The following PPIL6 variants were observed in gnomAD, a reference collection of about 807,000 sequenced individuals.
PPIL6 encodes the protein peptidylprolyl isomerase like 6, also known as probable inactive peptidyl-prolyl cis-trans isomerase-like 6.
A neutral mutation model predicts 36.8 loss-of-function variants in PPIL6; 39 were observed. That is an observed-to-expected ratio of 1.06 (90% CI 0.82 to 1.38). The LOEUF (loss-of-function observed/expected upper bound fraction) is 1.38, where lower values mean the gene tolerates loss of function less well. PPIL6 is among the 40% of genes most tolerant of loss of function. PPIL6 has a pLI of 0.00. For synonymous variants in PPIL6, 123 were observed against 134.1 expected, an observed-to-expected ratio of 0.92 and a Z score of 0.57; for missense variants, 368 against 379.1, an observed-to-expected ratio of 0.97 and a Z score of 0.24.
At chr6:109,434,076 G>T (rs2115286971) in intron 2 of PPIL6, among the ~76,000 whole-genome samples, 1 of 152,140 alleles carries the variant, frequency 6.6e-6, no homozygotes, top group African/African-American at 2.4e-5. Context: ...GCATGACACT[G>T]GTAGGTCACA....
intron 3 of PPIL6, among the ~76,000 whole-genome samples, chr6:109,429,638 G>GA (rs1271374213): frequency 2.0e-5 from 3 of 152,246 alleles, no homozygotes; most frequent in East Asian, 1.9e-4. Flanking sequence ...AGGGAGTGAT[G>GA]AAAAGACACT....
At chr6:109,412,426 ATAGCTAAAGC>A (rs1773053762) in intron 6 of PPIL6, among the ~76,000 whole-genome samples, 1 of 152,266 alleles carries the variant, frequency 6.6e-6, no homozygotes, top group Admixed American at 6.5e-5. Context: ...AAGACCCCGA[ATAGCTAAAGC>A]TATCTTAAGC....
rs748929282 is a variant in PPIL6, at chr6:109,436,142, C to A, written c.193G>T (p.Glu65Ter). The A allele has an allele frequency of 4.4e-6, 7 of 1,590,354 alleles. No individual in the cohort carries two copies. ...FEDPILVPLQ[E>*]FAWHQYLQEK... is the part of the protein sequence containing the mutation. Reference sequence around the variant, plus strand: ...TGTAGATATTGATGCCATGCAAATTCTTGAAGAGGAACTAATATAGGATCT... The same window carrying A: ...TGTAGATATTGATGCCATGCAAATTATTGAAGAGGAACTAATATAGGATCT... The change falls in exon 2 of 8, where the codon GAA (glutamate) becomes TAA (stop). Residue 65 changes from glutamate (E) to a stop codon, truncating the protein, a stop_gained. Transcript: ENST00000521072. LOFTEE classifies it high-confidence loss of function.
chr6:109,437,711 C>T (rs1337637605), intron 1 of PPIL6, among the ~76,000 whole-genome samples: 2 of 152,048 alleles, frequency 1.3e-5, no homozygotes, highest in Non-Finnish European at 2.9e-5. Context: ...CCCGCCACCA[C>T]GCCCAGCTAA....
chr6:109,419,092 C>A, intron 6 of PPIL6, 95 bp downstream of exon 6: 1 of 811,314 alleles, frequency 1.2e-6, no homozygotes, highest in Non-Finnish European at 2.1e-6. Flanking sequence ...AGTATTGCCC[C>A]CAGTGATATC....
intron 1 of PPIL6, among the ~76,000 whole-genome samples, chr6:109,437,303 T>C (rs910755135): frequency 6.6e-6 from 1 of 152,226 alleles, no homozygotes; most frequent in Non-Finnish European, 1.5e-5. Context: ...CTAGGGACAG[T>C]GCTTGGAGGT....
intron 3 of PPIL6, among the ~76,000 whole-genome samples, chr6:109,429,509 C>T (rs1285352021): frequency 1.3e-5 from 2 of 152,160 alleles, no homozygotes; most frequent in African/African-American, 2.4e-5. Flanking sequence ...CAGGGTCCCA[C>T]CACCTTCACT....
chr6:109,406,614 C>T (rs960753236), intron 6 of PPIL6, among the ~76,000 whole-genome samples: 1 of 152,136 alleles, frequency 6.6e-6, no homozygotes, highest in African/African-American at 2.4e-5. Flanking sequence ...TTTCATTTAT[C>T]AGTGGCAATA....
At chr6:109,431,378 C>A (rs199955890) in intron 2 of PPIL6, 33 bp from the exon 3 acceptor site, 121 of 1,023,110 alleles carry the variant, frequency 1.2e-4, no homozygotes, top group African/African-American at 4.5e-4. Flanking sequence ...AAAAAAAAAA[C>A]GTAAGAAGTG....
intron 7 of PPIL6, among the ~76,000 whole-genome samples, chr6:109,395,738 G>A (rs926507337): frequency 2.0e-5 from 3 of 151,632 alleles, no homozygotes; most frequent in Non-Finnish European, 4.4e-5. Flanking sequence ...CCGAGCAGCC[G>A]GGATTACAGG....
chr6:109,441,128 C>G (rs1252750760), upstream of PPIL6: 1 of 1,614,168 alleles, frequency 6.2e-7, no homozygotes, highest in Non-Finnish European at 8.5e-7. Context: ...AACCATGAAG[C>G]CCAACTTCTC....
At chr6:109,431,377 AC>A (rs750788068) in intron 2 of PPIL6, 32 bp from the exon 3 acceptor site, 16 of 1,479,398 alleles carry the variant, frequency 1.1e-5, no homozygotes, top group East Asian at 4.6e-5. Flanking sequence ...AAAAAAAAAA[AC>A]GTAAGAAGTG....
chr6:109,430,025 G>C (rs1774046179), intron 3 of PPIL6, among the ~76,000 whole-genome samples: 1 of 152,184 alleles, frequency 6.6e-6, no homozygotes, highest in Non-Finnish European at 1.5e-5. Flanking sequence ...TTAACTGTTT[G>C]AACATTAAAT....
intron 6 of PPIL6, among the ~76,000 whole-genome samples, chr6:109,400,726 A>C (rs1772493108): frequency 2.0e-5 from 3 of 152,244 alleles, no homozygotes; most frequent in Non-Finnish European, 2.9e-5. Context: ...GCTTCTCAGC[A>C]CATTAATTGG....
At chr6:109,408,203 C>T (rs555521328) in intron 6 of PPIL6, among the ~76,000 whole-genome samples, 6 of 152,276 alleles carry the variant, frequency 3.9e-5, no homozygotes, top group African/African-American at 1.4e-4. Flanking sequence ...ATTTCCTTTG[C>T]TTGAGTTCAT....
intron 6 of PPIL6, 122 bp downstream of exon 6, chr6:109,419,065 C>G: frequency 1.5e-6 from 1 of 670,678 alleles, no homozygotes; most frequent in Non-Finnish European, 2.6e-6. Context: ...TCATTTTTAC[C>G]TCTTGCTTGT....
At chr6:109,432,653 G>A (rs948109656) in intron 2 of PPIL6, among the ~76,000 whole-genome samples, 15 of 152,022 alleles carry the variant, frequency 9.9e-5, no homozygotes, top group Non-Finnish European at 2.2e-4. Context: ...TTGGAGATGA[G>A]GTCTCACTAT....
rs543370960 is a variant in PPIL6, at chr6:109,400,583, C to T, written c.689-413G>A. On this transcript the variant is annotated intron_variant, in intron 6 of 7. Coordinates refer to ENST00000521072, the MANE Select transcript of PPIL6 (RefSeq NM_173672.5). ...TCTTTTGTGGACCTGACCTTTCCCCCGAACCCCCCAAGCATCTTACACATC... is the reference window on the plus strand; with the variant it reads ...TCTTTTGTGGACCTGACCTTTCCCCTGAACCCCCCAAGCATCTTACACATC... Among the ~76,000 whole-genome samples, 17 of 152,240 alleles carry T rather than the reference C, an allele frequency of 1.1e-4. No homozygotes were observed. In the South Asian group the frequency reaches 2.5e-3, roughly 22 times the overall value.
At position 109,440,080 on chromosome 6, in the gene PPIL6, A is replaced by G. The variant is rs1432226505; in HGVS notation, c.135+376T>C. On this transcript the variant is annotated intron_variant, in intron 1 of 7. Coordinates refer to ENST00000521072, the MANE Select transcript of PPIL6 (RefSeq NM_173672.5). ...GGTTGTAAAAATTAGCTAGTTATAT[A>G]GTAATCATTTTTCCATAAATTTAAA... 4 of 322,552 alleles carry G rather than the reference A, an allele frequency of 1.2e-5. No individual in the cohort carries two copies. The Admixed American group carries it at 1.4e-4, about 11-fold the overall frequency. 20.0% of individuals were successfully genotyped at this position (322,552 alleles called of 1,614,324 possible).
Sources: allele counts gnomAD v4.1 joint callset (sites outside exome capture counted in the v4.1 genomes callset), GRCh38; gene constraint gnomAD v4.1.1; transcripts MANE v1.5; gene names NCBI Gene and HGNC (gene_info 2026-07-23, HGNC 2026-07-21).